SCAF4: variants seen among roughly 807,000 people sequenced by gnomAD.
The protein encoded by SCAF4 is SR-related CTD associated factor 4.
Under a neutral mutation model 129.8 loss-of-function variants are expected in SCAF4, and 25 were observed. That is an observed-to-expected ratio of 0.19 (90% CI 0.14 to 0.27). The LOEUF is 0.27. SCAF4 is among the 10% of genes least tolerant of loss of function. SCAF4 has a pLI of 1.00. For missense variants in SCAF4, 1,246 were observed against 1,457.1 expected (o/e 0.86, Z 2.36); for synonymous variants, 551 against 497.7 (o/e 1.11, Z -1.43).
chr21:31,689,766 TA>T lies in SCAF4; in HGVS notation c.1885+1030del, dbSNP rs200734641. Reference sequence around the variant, plus strand: ...TAACATGGTGAAACCCCTTCTCTACTAAAAAAAATACCAAAAAAATTAGCAT... The same window carrying T: ...TAACATGGTGAAACCCCTTCTCTACTAAAAAAATACCAAAAAAATTAGCAT... On this transcript the variant is annotated intron_variant, in intron 15 of 19. Coordinates refer to ENST00000286835, the MANE Select transcript of SCAF4 (RefSeq NM_020706.2). 2.7e-3 allele frequency among the ~76,000 whole-genome samples: 399 copies of T among 150,232 alleles called. 1 individual carries two copies. The highest frequency in any genetic ancestry group is 8.7e-3 in the African/African-American group (356 of 40,952).
At chr21:31,726,388 T>C (rs1459834372) in intron 1 of SCAF4, among the ~76,000 whole-genome samples, 2 of 152,206 alleles carry the variant, frequency 1.3e-5, no homozygotes, top group Non-Finnish European at 2.9e-5. Context: ...TAGCCAGGCA[T>C]GGTGGCTCAT....
At position 31,688,349 on chromosome 21, in the gene SCAF4, A is replaced by T; in HGVS notation, c.2001T>A (p.Pro667=). 3 of 1,613,188 alleles carry T rather than the reference A, an allele frequency of 1.9e-6. No individual in the cohort carries two copies. The highest frequency in any genetic ancestry group is 2.5e-6 in the Non-Finnish European group (3 of 1,179,316). ...TTATAGGTGCAGGAACAGGAATAGG[A>T]GGGACAGGCACAGGTAATGGTTTAG... ...PIPKPLPVPV[P]PIPVPAPITV... Residue 667 remains proline (P), a synonymous_variant, in exon 16 of 20, where the codon CCT becomes CCA. Coordinates refer to ENST00000286835, the MANE Select transcript of SCAF4 (RefSeq NM_020706.2).
intron 1 of SCAF4, chr21:31,706,850 A>G (rs1601241152): frequency 4.0e-6 from 1 of 249,230 alleles, no homozygotes; most frequent in East Asian, 1.3e-4. Flanking sequence ...GAAGCCAGAG[A>G]AAGAAGCCAA....
At position 31,688,576 on chromosome 21, in the gene SCAF4, C is replaced by T; in HGVS notation, c.1886-112G>A. 3.6e-6 allele frequency: 3 copies of T among 827,046 alleles called. No individual in the cohort carries two copies. The South Asian group carries it at 5.2e-5, about 14-fold the overall frequency. The allele number at this position is 827,046 out of a possible 1,614,324, so 51.2% of individuals were successfully genotyped here. On this transcript the variant is annotated intron_variant, in intron 15 of 19. Coordinates refer to ENST00000286835, the MANE Select transcript of SCAF4 (RefSeq NM_020706.2). Reference sequence around the variant, plus strand: ...ACCTAGCCCAGTTATTAAAGAAATTCCCATGCTAATTTTAGAAATAGTAAT... The same window carrying T: ...ACCTAGCCCAGTTATTAAAGAAATTTCCATGCTAATTTTAGAAATAGTAAT...
At chr21:31,724,180 TA>T (rs1415654335) in intron 1 of SCAF4, among the ~76,000 whole-genome samples, 1 of 152,224 alleles carries the variant, frequency 6.6e-6, no homozygotes, top group East Asian at 2.0e-4. Context: ...ATATTGTTTG[TA>T]AAATCTCTTG....
In SCAF4 at chr21:31,694,855, A is replaced by G. The variant is rs1285341096; in HGVS notation, c.1194T>C (p.Phe398=). Residue 398 remains phenylalanine (F), a synonymous_variant, in exon 10 of 20, where the codon TTT becomes TTC. Transcript: ENST00000286835. ...PPVQQPFQAS[F]QAQNEPLTQK... ...GTGTAAGTGGTTCATTTTGTGCCTG[A>G]AAAGAAGCTTGGAAAGGCTGCTGCA... 6.2e-7 allele frequency: 1 copy of G among 1,614,170 alleles called. No individual in the cohort carries two copies. The highest frequency in any genetic ancestry group is 2.2e-5 in the East Asian group (1 of 44,878).
intron 7 of SCAF4, among the ~76,000 whole-genome samples, chr21:31,699,023 G>A (rs2050454673): frequency 6.6e-6 from 1 of 152,232 alleles, no homozygotes. Flanking sequence ...AAAGTATGAG[G>A]GGGAGTTTGA....
chr21:31,686,993 T>C (rs1039453916), intron 16 of SCAF4, among the ~76,000 whole-genome samples: 1 of 152,176 alleles, frequency 6.6e-6, no homozygotes, highest in African/African-American at 2.4e-5. Flanking sequence ...ACATTGAATT[T>C]TGCTTAGAAC....
intron 1 of SCAF4, among the ~76,000 whole-genome samples, chr21:31,712,222 C>CTTTTTTTTTTTTTTTTTTTTTTTT (rs11408552): frequency 1.5e-5 from 2 of 135,442 alleles, no homozygotes; most frequent in African/African-American, 5.6e-5. Context: ...TTGTTTGTTG[C>CTTTTTTTTTTTTTTTTTTTTTTTT]TTTTTTTTTT....
intron 19 of SCAF4, chr21:31,684,148 T>C (rs1366405154): frequency 6.5e-6 from 1 of 153,486 alleles, no homozygotes; most frequent in Non-Finnish European, 1.5e-5. Flanking sequence ...ATAGGTTCTT[T>C]CCTAAAACAA....
At chr21:31,713,466 ATAT>A (rs2050852785) in intron 1 of SCAF4, among the ~76,000 whole-genome samples, 1 of 152,190 alleles carries the variant, frequency 6.6e-6, no homozygotes, top group Admixed American at 6.5e-5. Flanking sequence ...TACACAATAG[ATAT>A]TAATGAGTAC....
At chr21:31,699,611 G>C (rs538227284) in intron 7 of SCAF4, among the ~76,000 whole-genome samples, 1 of 151,724 alleles carries the variant, frequency 6.6e-6, no homozygotes, top group East Asian at 1.9e-4. Context: ...ATGAAAACTG[G>C]TATTTACTAG....
chr21:31,731,366 G>A (rs926351961), intron 1 of SCAF4, among the ~76,000 whole-genome samples: 5 of 152,358 alleles, frequency 3.3e-5, no homozygotes, highest in Admixed American at 2.6e-4. Context: ...CCGAAAAAGG[G>A]CCAAGTTAGA....
At chr21:31,702,862 T>G (rs976815103) in intron 4 of SCAF4, among the ~76,000 whole-genome samples, 3 of 152,150 alleles carry the variant, frequency 2.0e-5, no homozygotes, top group Non-Finnish European at 4.4e-5. Context: ...AGGAATCATC[T>G]TGGTTTTGGG....
chr21:31,692,603 GA>G (rs2050285236), intron 12 of SCAF4, among the ~76,000 whole-genome samples, 154 bp from the exon 13 acceptor site: 1 of 152,100 alleles, frequency 6.6e-6, no homozygotes, highest in Admixed American at 6.6e-5. Context: ...AAAAATTCTA[GA>G]AAACTGCATT....
rs764645092 is a variant in SCAF4 at position 31,685,384 on chromosome 21, A to G, written c.2296+14T>C. 1 of 1,600,610 alleles carries G rather than the reference A, an allele frequency of 6.2e-7. No homozygotes were observed. Among genetic ancestry groups the G allele is most frequent in the Non-Finnish European group, 8.5e-7 (1 of 1,172,740 alleles). On this transcript the variant is annotated intron_variant, in intron 18 of 19. Coordinates refer to ENST00000286835, the MANE Select transcript of SCAF4 (RefSeq NM_020706.2). ...CAAGAGGATAAGCAAACACAAAGAA[A>G]AAAACATGCTTACAGTTTGGGATGC...
At chr21:31,714,223 C>A (rs966627923) in intron 1 of SCAF4, among the ~76,000 whole-genome samples, 1 of 152,074 alleles carries the variant, frequency 6.6e-6, no homozygotes, top group African/African-American at 2.4e-5. Context: ...GACAAGTATT[C>A]AATAAACACC....
chr21:31,691,437 C>A (rs2123528842), intron 14 of SCAF4, among the ~76,000 whole-genome samples: 1 of 152,222 alleles, frequency 6.6e-6, no homozygotes, highest in South Asian at 2.1e-4. Flanking sequence ...ATGTTTTTCT[C>A]CACCTTTGGT....
chr21:31,706,415 C>T (rs770189657), intron 1 of SCAF4, 58 bp from the exon 2 acceptor site: 1 of 1,164,864 alleles, frequency 8.6e-7, no homozygotes, highest in Non-Finnish European at 1.3e-6. Context: ...AGTAAATAAG[C>T]ACCTTTCCTA....
Sources: gnomAD v4.1 joint callset for allele counts (sites outside exome capture counted in the v4.1 genomes callset) on GRCh38, gnomAD v4.1.1 for gene constraint, MANE v1.5 for transcripts, NCBI Gene and HGNC (gene_info 2026-07-23, HGNC 2026-07-21) for gene names.